TULP4: variants seen among roughly 807,000 people sequenced by gnomAD.
TULP4 encodes tubby-related protein 4.
Under a neutral mutation model 129.0 loss-of-function variants are expected in TULP4, and 16 were observed. That is an observed-to-expected ratio of 0.12 (90% CI 0.08 to 0.19). The LOEUF is 0.19. Ranked by LOEUF, TULP4 falls within the 10% of genes least tolerant of loss-of-function variation. TULP4 has a pLI of 1.00. For synonymous variants in TULP4, 998 were observed against 854.0 expected (o/e 1.17, Z -2.94); for missense variants, 1,842 against 2,059.1 (o/e 0.89, Z 2.04).
intron 1 of TULP4, among the ~76,000 whole-genome samples, chr6:158,246,699 G>T (rs953317710): frequency 5.3e-5 from 8 of 151,986 alleles, no homozygotes; most frequent in Non-Finnish European, 1.0e-4. Context: ...TGAATTCATG[G>T]ATTTAAAAAT....
At chr6:158,315,582 C>A (rs1021745811) in intron 1 of TULP4, among the ~76,000 whole-genome samples, 6 of 152,198 alleles carry the variant, frequency 3.9e-5, no homozygotes, top group Admixed American at 3.9e-4. Flanking sequence ...TTTCCAGCAC[C>A]AGTTACGGGT....
At chr6:158,296,366 G>A (rs1779032438) in intron 1 of TULP4, among the ~76,000 whole-genome samples, 1 of 152,094 alleles carries the variant, frequency 6.6e-6, no homozygotes. Context: ...AGTATAAAGA[G>A]AAGAATTTTA....
At chr6:158,442,435 G>T (rs754098636) in intron 3 of TULP4, among the ~76,000 whole-genome samples, 1 of 151,832 alleles carries the variant, frequency 6.6e-6, no homozygotes, top group Non-Finnish European at 1.5e-5. Context: ...CCCCAGGCCC[G>T]ATTCTTTGCA....
At chr6:158,255,739 T>A (rs1240181072) in intron 1 of TULP4, among the ~76,000 whole-genome samples, 1 of 152,204 alleles carries the variant, frequency 6.6e-6, no homozygotes, top group African/African-American at 2.4e-5. Flanking sequence ...CTTGGACTTG[T>A]TCTGTGAAAT....
chr6:158,322,808 A>G (rs1251191402), intron 1 of TULP4, among the ~76,000 whole-genome samples: 1 of 152,194 alleles, frequency 6.6e-6, no homozygotes, highest in African/African-American at 2.4e-5. Flanking sequence ...ACAGTCTAGC[A>G]TGAGGGTGAA....
chr6:158,422,387 A>T (rs970578468), intron 2 of TULP4, among the ~76,000 whole-genome samples: 2 of 152,220 alleles, frequency 1.3e-5, no homozygotes, highest in Non-Finnish European at 2.9e-5. Context: ...TGGTGCTGAA[A>T]CAACTGAATA....
rs1583849495 is a variant in TULP4 at position 158,413,766 on chromosome 6, A to G, written c.381+573A>G. On this transcript the variant is annotated intron_variant, in intron 2 of 13. Transcript: ENST00000367097. The surrounding 1 kb of genome is among the most constrained non-coding windows in gnomAD (Gnocchi z 4.9). ...GCTGCGCTGTTTCTAGAACTGCTCCATAGATTGTTCTGGTTTACAGGACGG... is the reference window on the plus strand; with the variant it reads ...GCTGCGCTGTTTCTAGAACTGCTCCGTAGATTGTTCTGGTTTACAGGACGG... 6.6e-6 allele frequency among the ~76,000 whole-genome samples: 1 copy of G among 152,216 alleles called. No homozygotes were observed. The highest frequency in any genetic ancestry group is 1.9e-4 in the East Asian group (1 of 5,196).
intron 1 of TULP4, among the ~76,000 whole-genome samples, chr6:158,264,667 A>T (rs1047230319): frequency 6.6e-6 from 1 of 152,218 alleles, no homozygotes; most frequent in African/African-American, 2.4e-5. Context: ...GCTTTAAAAG[A>T]TTTAAAAGCC....
chr6:158,469,752 C>A (rs190734663), intron 6 of TULP4, among the ~76,000 whole-genome samples: 1 of 151,482 alleles, frequency 6.6e-6, no homozygotes, highest in Non-Finnish European at 1.5e-5. Flanking sequence ...ATGAATAGAA[C>A]GAGGGGAAAT....
At chr6:158,293,248 C>T (rs1290073923) in intron 1 of TULP4, among the ~76,000 whole-genome samples, 3 of 152,216 alleles carry the variant, frequency 2.0e-5, no homozygotes, top group African/African-American at 7.2e-5. Flanking sequence ...TGGCAGTGGA[C>T]CTGTGGCCCT....
rs993164465 is a variant in TULP4, at chr6:158,505,368, A to G, written c.4515+1190A>G. On this transcript the variant is annotated intron_variant, in intron 13 of 13. Transcript: ENST00000367097. ...TACTGGCCTTTGGGCCACTCTGGCC[A>G]GCCGCCTCTTTTTGGAACAAAGTTT... Among the ~76,000 whole-genome samples, 3 of 152,266 alleles carry G rather than the reference A, an allele frequency of 2.0e-5. No homozygotes were observed. In the South Asian group the frequency reaches 6.2e-4, roughly 31 times the overall value.
At chr6:158,251,309 G>A (rs995764292) in intron 1 of TULP4, among the ~76,000 whole-genome samples, 16 of 152,010 alleles carry the variant, frequency 1.1e-4, no homozygotes, top group African/African-American at 3.6e-4. Context: ...GGTTTAATAC[G>A]GTCATACTCT....
intron 5 of TULP4, among the ~76,000 whole-genome samples, chr6:158,460,912 T>TA (rs371202204): frequency 0.016 from 2,220 of 141,708 alleles, 21 homozygotes; most frequent in Non-Finnish European, 0.023. Context: ...TGCTGTCTCT[T>TA]AAAAAAAAAA....
chr6:158,257,290 C>T (rs1407298415), intron 1 of TULP4, among the ~76,000 whole-genome samples: 4 of 152,106 alleles, frequency 2.6e-5, no homozygotes, highest in Non-Finnish European at 4.4e-5. Context: ...TGCTTAGTTG[C>T]CTCAGGCCAG....
chr6:158,282,639 C>G (rs1437453240), intron 1 of TULP4, among the ~76,000 whole-genome samples: 1 of 150,506 alleles, frequency 6.6e-6, no homozygotes, highest in Non-Finnish European at 1.5e-5. Context: ...TATTTGTGTA[C>G]CTATAGGGCA....
intron 1 of TULP4, among the ~76,000 whole-genome samples, chr6:158,256,361 A>G (rs1271011523): frequency 6.6e-6 from 1 of 152,192 alleles, no homozygotes; most frequent in Non-Finnish European, 1.5e-5. Context: ...GTATACTAAC[A>G]TGTACACACA....
chr6:158,296,562 ACATGCTTCTGAGG>A (rs1440778489), intron 1 of TULP4, among the ~76,000 whole-genome samples: 2 of 152,182 alleles, frequency 1.3e-5, no homozygotes, highest in Non-Finnish European at 2.9e-5. Context: ...AACAAAGATC[ACATGCTTCTGAGG>A]GAACAGGACA....
chr6:158,504,410 A>T (rs1018931723), intron 13 of TULP4, among the ~76,000 whole-genome samples: 4 of 151,302 alleles, frequency 2.6e-5, no homozygotes, highest in African/African-American at 9.7e-5. Context: ...GCAGTGGCGC[A>T]GTCTTGGCTT....
intron 1 of TULP4, chr6:158,242,727 G>A (rs1777946676): frequency 9.9e-6 from 5 of 506,674 alleles, no homozygotes; most frequent in Non-Finnish European, 1.9e-5. Flanking sequence ...CTTATTGACA[G>A]GCTTGAGAGC....
Sources: gnomAD v4.1 joint callset for allele counts (sites outside exome capture counted in the v4.1 genomes callset) on GRCh38, gnomAD v4.1.1 for gene constraint, Gnocchi (gnomAD v3.1) non-coding constraint, MANE v1.5 for transcripts, NCBI Gene and HGNC (gene_info 2026-07-23, HGNC 2026-07-21) for gene names.